EYA1: variants seen among roughly 807,000 people sequenced by gnomAD.
EYA1 encodes the protein EYA transcriptional coactivator and phosphatase 1.
EYA1 carries 16 observed loss-of-function variants against 82.0 expected under a neutral mutation model. The ratio of observed to expected loss-of-function variants is 0.20; its 90% CI spans 0.13 to 0.30. The LOEUF (loss-of-function observed/expected upper bound fraction) is 0.30. EYA1 is among the 10% of genes least tolerant of loss of function. The probability of loss-of-function intolerance (pLI) is 1.00; values close to 1 mark genes in which losing one functional copy is unlikely to be tolerated. For synonymous variants in EYA1, 261 were observed against 264.4 expected (o/e 0.99, Z 0.12); for missense variants, 633 against 730.7 (o/e 0.87, Z 1.54).
intron 9 of EYA1, among the ~76,000 whole-genome samples, chr8:71,285,934 A>T (rs1274217292): frequency 6.6e-6 from 1 of 152,246 alleles, no homozygotes; most frequent in Non-Finnish European, 1.5e-5. Flanking sequence ...ATAACCCACC[A>T]AATATATACA....
At chr8:71,487,499 T>G (rs938943299) in intron 2 of EYA1, among the ~76,000 whole-genome samples, 1 of 152,242 alleles carries the variant, frequency 6.6e-6, no homozygotes, top group Non-Finnish European at 1.5e-5. Flanking sequence ...CATTATGCCC[T>G]CCTATAAGTT....
At chr8:71,522,155 T>C (rs1813449098) in intron 2 of EYA1, among the ~76,000 whole-genome samples, 1 of 152,220 alleles carries the variant, frequency 6.6e-6, no homozygotes, top group African/African-American at 2.4e-5. Flanking sequence ...ATTAAAATTA[T>C]ATGCTAAACC....
chr8:71,538,190 C>T (rs1261854460), intron 1 of EYA1, among the ~76,000 whole-genome samples: 2 of 152,122 alleles, frequency 1.3e-5, no homozygotes, highest in African/African-American at 4.8e-5. Context: ...AATTCCCTTG[C>T]TGGACTTGAT....
chr8:71,307,348 A>G (rs1263134972), intron 7 of EYA1, among the ~76,000 whole-genome samples: 1 of 152,096 alleles, frequency 6.6e-6, no homozygotes, highest in Non-Finnish European at 1.5e-5. Flanking sequence ...TCTGTCACCC[A>G]GGCTAGAGTG....
At chr8:71,362,401 ACCAATTAAGAT>A (rs1192352880), upstream of EYA1, among the ~76,000 whole-genome samples, 1 of 152,040 alleles carries the variant, frequency 6.6e-6, no homozygotes, top group Non-Finnish European at 1.5e-5. Flanking sequence ...AACAGTAGTT[ACCAATTAAGAT>A]CTTTGGGGAG....
At chr8:71,243,308 A>C (rs924372554) in intron 12 of EYA1, among the ~76,000 whole-genome samples, 3 of 152,178 alleles carry the variant, frequency 2.0e-5, no homozygotes, top group Admixed American at 2.0e-4. Flanking sequence ...TCTCTAAGTG[A>C]AAACAATTAT....
chr8:71,369,134 C>T (rs534367859), intron 2 of EYA1, among the ~76,000 whole-genome samples: 5 of 139,980 alleles, frequency 3.6e-5, no homozygotes, highest in African/African-American at 5.4e-5. Context: ...ACCTGGGAGG[C>T]GGAGGTTGCA....
chr8:71,474,667 G>A (rs970868114), intron 2 of EYA1, among the ~76,000 whole-genome samples: 10 of 152,038 alleles, frequency 6.6e-5, no homozygotes, highest in Admixed American at 5.9e-4. Flanking sequence ...AATTTTTATA[G>A]CCAAAGAAAT....
At chr8:71,545,159 A>G (rs1426815318) in intron 1 of EYA1, among the ~76,000 whole-genome samples, 2 of 152,240 alleles carry the variant, frequency 1.3e-5, no homozygotes, top group Middle Eastern at 3.2e-3. Context: ...GGAAATATTA[A>G]CCAGTCTGAA....
chr8:71,204,612 G>A (rs978588885), intron 17 of EYA1, among the ~76,000 whole-genome samples: 1 of 152,156 alleles, frequency 6.6e-6, no homozygotes, highest in African/African-American at 2.4e-5. Context: ...GAGATGCAAA[G>A]CTTCATGGAC....
chr8:71,354,867 C>A lies in EYA1; in HGVS notation c.39G>T (p.Leu13=). The change falls in exon 3 of 18, where the codon CTG becomes CTT. Residue 13 remains leucine, a synonymous_variant. Transcript: ENST00000340726. ...CACTGGGGGATTCACTACTACCACT[C>A]AGACGGCTATGCGGGCTGGTTAGAT... ...MQDLTSPHSR[L]SGSSESPSGP... The A allele has an allele frequency of 6.2e-7, 1 of 1,613,726 alleles. No individual in the cohort carries two copies. The highest frequency in any genetic ancestry group is 1.1e-5 in the South Asian group (1 of 91,072).
chr8:71,416,282 G>C (rs1481988081), intron 2 of EYA1, among the ~76,000 whole-genome samples: 1 of 152,186 alleles, frequency 6.6e-6, no homozygotes, highest in Non-Finnish European at 1.5e-5. Flanking sequence ...GTACTATTGG[G>C]ACATCCCAGT....
chr8:71,522,639 G>C (rs1459971764), intron 2 of EYA1, among the ~76,000 whole-genome samples: 1 of 58,156 alleles, frequency 1.7e-5, no homozygotes, highest in Non-Finnish European at 3.6e-5. Context: ...TTTTTTTTTT[G>C]AGACAGGATC....
intron 4 of EYA1, among the ~76,000 whole-genome samples, chr8:71,330,210 G>A (rs749674864): frequency 7.2e-5 from 11 of 152,048 alleles, no homozygotes; most frequent in Non-Finnish European, 1.3e-4. Flanking sequence ...CTGAAGAATC[G>A]GATAGGAACT....
At chr8:71,427,827 T>G (rs1805339919) in intron 2 of EYA1, among the ~76,000 whole-genome samples, 1 of 151,966 alleles carries the variant, frequency 6.6e-6, no homozygotes, top group Non-Finnish European at 1.5e-5. Context: ...CAAGACTATC[T>G]TGGGCAATAT....
At chr8:71,503,016 T>C (rs1811926783) in intron 2 of EYA1, among the ~76,000 whole-genome samples, 1 of 152,230 alleles carries the variant, frequency 6.6e-6, no homozygotes, top group Non-Finnish European at 1.5e-5. Context: ...ATCTTCATTA[T>C]ACGTATGATA....
chr8:71,464,633 C>T (rs570631904), intron 2 of EYA1, among the ~76,000 whole-genome samples: 1 of 152,242 alleles, frequency 6.6e-6, no homozygotes, highest in South Asian at 2.1e-4. Flanking sequence ...AATTCTTTAT[C>T]ATCAAAATTT....
At chr8:71,224,042 C>T (rs886411162) in intron 12 of EYA1, among the ~76,000 whole-genome samples, 2 of 152,198 alleles carry the variant, frequency 1.3e-5, no homozygotes, top group African/African-American at 4.8e-5. Context: ...AGCTAGGACA[C>T]TGATGCTGTA....
Position 71,376,619 on chromosome 8 carries a change from T to C in EYA1, c.34-20108A>G, listed in dbSNP as rs1022497743. 5.3e-4 allele frequency among the ~76,000 whole-genome samples: 80 copies of C among 152,028 alleles called. 2 individuals are homozygous for C. The highest frequency in any genetic ancestry group is 1.3e-4 in the Non-Finnish European group (9 of 67,992). ...TGATGATATGTGGTCAGATTTAGGG[T>C]ATATTTGGAATTAGAGTCAATAGGA... is the stretch of plus-strand genomic sequence containing the variant. On this transcript the variant is annotated intron_variant, in intron 2 of 18. Transcript: ENST00000643681.
Sources: allele counts gnomAD v4.1 joint callset (sites outside exome capture counted in the v4.1 genomes callset), GRCh38; gene constraint gnomAD v4.1.1; transcripts MANE v1.5; gene names NCBI Gene and HGNC (gene_info 2026-07-23, HGNC 2026-07-21).